ATG13: variants seen among roughly 807,000 people sequenced by gnomAD.
The protein encoded by ATG13 is autophagy-related protein 13.
In ATG13, 23 loss-of-function variants were observed where a neutral mutation model predicts 65.5. That is an observed-to-expected ratio of 0.35 (90% CI 0.25 to 0.50). ATG13 has a LOEUF of 0.50. Ranked by LOEUF, ATG13 falls within the 20% of genes least tolerant of loss-of-function variation. The pLI is 0.98. For synonymous variants in ATG13, 252 were observed against 245.2 expected, an observed-to-expected ratio of 1.03 and a Z score of -0.26; for missense variants, 566 against 677.0, an observed-to-expected ratio of 0.84 and a Z score of 1.82.
chr11:46,646,275 A>C (rs555680986), intron 5 of ATG13, among the ~76,000 whole-genome samples: 7 of 151,928 alleles, frequency 4.6e-5, no homozygotes, highest in Non-Finnish European at 1.0e-4. Flanking sequence ...CAGCCTCCTG[A>C]GTAGCTGGGA....
chr11:46,635,204 C>T (rs2053538306), intron 2 of ATG13, among the ~76,000 whole-genome samples: 1 of 151,862 alleles, frequency 6.6e-6, no homozygotes, highest in East Asian at 1.9e-4. Context: ...ACGGGTTTTG[C>T]TATGTTGGCC....
At chr11:46,644,221 G>T (rs1476824429) in intron 2 of ATG13, 58 bp from the exon 3 acceptor site, 10 of 1,280,670 alleles carry the variant, frequency 7.8e-6, no homozygotes, top group Non-Finnish European at 1.1e-5. Flanking sequence ...TGTATGCTTT[G>T]ATGTATCAAT....
At chr11:46,631,515 T>C (rs1242862688) in intron 2 of ATG13, among the ~76,000 whole-genome samples, 6 of 152,220 alleles carry the variant, frequency 3.9e-5, no homozygotes, top group Non-Finnish European at 8.8e-5. Flanking sequence ...TCAGCGATTA[T>C]CTATGGGCAT....
chr11:46,656,435 G>A, intron 8 of ATG13, 162 bp downstream of exon 8: 1 of 598,678 alleles, frequency 1.7e-6, no homozygotes, highest in Admixed American at 3.4e-5. Context: ...GGTTACCCCT[G>A]ATCTGCCAGG....
chr11:46,657,195 A>G lies in ATG13; in HGVS notation c.596+4A>G. ...ACTTGGCATTCATGTCTACCAGGTGAGGAAGAGCCCTGGAATCCAAAAGAA... is the reference window on the plus strand; with the variant it reads ...ACTTGGCATTCATGTCTACCAGGTGGGGAAGAGCCCTGGAATCCAAAAGAA... On this transcript the variant is annotated splice_donor_region_variant and intron_variant, in intron 9 of 18. Transcript: ENST00000683050. 6.2e-7 allele frequency: 1 copy of G among 1,609,476 alleles called. No homozygotes were observed.
At chr11:46,670,528 G>A (rs1331480953) in intron 18 of ATG13, among the ~76,000 whole-genome samples, 1 of 151,482 alleles carries the variant, frequency 6.6e-6, no homozygotes, top group Non-Finnish European at 1.5e-5. Flanking sequence ...GACCTTTTGG[G>A]CCAGGCACAG....
intron 2 of ATG13, chr11:46,632,299 A>G (rs909127287): frequency 2.6e-5 from 4 of 152,244 alleles, no homozygotes; most frequent in African/African-American, 7.2e-5. Context: ...GAAATTATAC[A>G]TAGTAATTGG....
chr11:46,639,850 G>A (rs1046187276), intron 2 of ATG13, among the ~76,000 whole-genome samples: 83 of 145,610 alleles, frequency 5.7e-4, no homozygotes, highest in African/African-American at 2.1e-3. Context: ...ATCTGCTTAT[G>A]CAATTTTTTT....
intron 1 of ATG13, among the ~76,000 whole-genome samples, chr11:46,628,740 T>C (rs1432266880): frequency 6.6e-6 from 1 of 152,162 alleles, no homozygotes; most frequent in Non-Finnish European, 1.5e-5. Flanking sequence ...AGCAATCCTT[T>C]TTAAAAATGT....
At chr11:46,652,662 A>G (rs1162156189) in intron 7 of ATG13, among the ~76,000 whole-genome samples, 2 of 152,122 alleles carry the variant, frequency 1.3e-5, no homozygotes, top group East Asian at 1.9e-4. Flanking sequence ...TCAGTGAGCC[A>G]TGATCACACC....
rs1199420133 is a variant in ATG13 at position 46,672,412 on chromosome 11, C to T, written c.*80C>T. On this transcript the variant is annotated 3_prime_UTR_variant, in exon 19 of 19. Coordinates refer to ENST00000683050, the MANE Select transcript of ATG13 (RefSeq NM_001346311.2). ...GCCTCCCATGCATCAGCTGCTCCCA[C>T]CCCTCATCCTGCTCTGAGCCAGGTG... 6.2e-6 allele frequency: 10 copies of T among 1,609,060 alleles called. No homozygotes were observed. The highest frequency in any genetic ancestry group is 1.3e-5 in the African/African-American group (1 of 74,892).
rs11821779 is a variant in ATG13, at chr11:46,659,865, A to C, written c.789+380A>C. 1,432 of 164,152 alleles carry C rather than the reference A, an allele frequency of 8.7e-3. 14 individuals are homozygous for C. Among genetic ancestry groups the C allele is most frequent in the African/African-American group, 0.033 (1,378 of 41,838 alleles). The allele number at this position is 164,152 out of a possible 1,614,324, so 10.2% of individuals were successfully genotyped here. On this transcript the variant is annotated intron_variant, in intron 11 of 18. Transcript: ENST00000683050. Reference sequence around the variant, plus strand: ...AATGGAAGAGGCCCCAAAGAGCCAAAAATTATTTAGCATAAAATGACAGGG... The same window carrying C: ...AATGGAAGAGGCCCCAAAGAGCCAACAATTATTTAGCATAAAATGACAGGG...
intron 1 of ATG13, among the ~76,000 whole-genome samples, chr11:46,620,688 T>C (rs993819131): frequency 6.6e-6 from 1 of 151,796 alleles, no homozygotes. Flanking sequence ...GACAAGAGAA[T>C]CGCTTGAACT....
At chr11:46,630,634 G>A (rs1032933771) in intron 2 of ATG13, among the ~76,000 whole-genome samples, 6 of 147,212 alleles carry the variant, frequency 4.1e-5, no homozygotes, top group African/African-American at 1.6e-4. Flanking sequence ...GTGGAGTGGT[G>A]CAATCACAGC....
intron 2 of ATG13, among the ~76,000 whole-genome samples, chr11:46,643,256 A>C (rs1381453510): frequency 1.4e-4 from 21 of 152,190 alleles, no homozygotes; most frequent in Non-Finnish European, 5.9e-5. Context: ...AACAGCTCCA[A>C]CAACGTGTCC....
rs915206500 is a variant in ATG13, at chr11:46,674,469, A to C, written c.*2137A>C. 2 of 152,096 alleles carry C rather than the reference A, an allele frequency of 1.3e-5. No individual in the cohort carries two copies. The highest frequency in any genetic ancestry group is 4.8e-5 in the African/African-American group (2 of 41,400). 9.4% of individuals were successfully genotyped at this position (152,096 alleles called of 1,614,324 possible). A position where few individuals can be genotyped will look rare whatever the true frequency, so the allele number is the denominator to read the frequency against. On this transcript the variant is annotated 3_prime_UTR_variant, in exon 19 of 19. Coordinates refer to ENST00000683050, the MANE Select transcript of ATG13 (RefSeq NM_001346311.2). Reference sequence around the variant, plus strand: ...ACTTTGTTTGGAAATACCGAGCTACACTTCAAAATGTATTCAAGGGATTTC... The same window carrying C: ...ACTTTGTTTGGAAATACCGAGCTACCCTTCAAAATGTATTCAAGGGATTTC...
chr11:46,632,768 G>A (rs1487644185), intron 2 of ATG13, among the ~76,000 whole-genome samples: 1 of 151,992 alleles, frequency 6.6e-6, no homozygotes, highest in South Asian at 2.1e-4. Context: ...GGTGATACCA[G>A]GTAACCATCT....
chr11:46,628,063 A>G (rs1348219100), intron 1 of ATG13, among the ~76,000 whole-genome samples: 1 of 150,844 alleles, frequency 6.6e-6, no homozygotes, highest in East Asian at 1.9e-4. Context: ...AACCTGGACA[A>G]AGGATTGAGA....
chr11:46,652,119 G>A lies in ATG13; in HGVS notation c.458+1802G>A, dbSNP rs189055555. ...AAAAATTAGCTGGGCAGGGTGGCACGCTCCTGTAATCCCAGCTACTCGGGA... is the reference window on the plus strand; with the variant it reads ...AAAAATTAGCTGGGCAGGGTGGCACACTCCTGTAATCCCAGCTACTCGGGA... On this transcript the variant is annotated intron_variant, in intron 7 of 18. Transcript: ENST00000683050. Among the ~76,000 whole-genome samples, 23 of 152,134 alleles carry A rather than the reference G, an allele frequency of 1.5e-4. No homozygotes were observed. The East Asian group carries it at 2.7e-3, about 18-fold the overall frequency.
Sources: allele counts gnomAD v4.1 joint callset (sites outside exome capture counted in the v4.1 genomes callset), GRCh38; gene constraint gnomAD v4.1.1; transcripts MANE v1.5; gene names NCBI Gene and HGNC (gene_info 2026-07-23, HGNC 2026-07-21).